PRSS23: variants seen among roughly 807,000 people sequenced by gnomAD.
PRSS23 encodes serine protease 23.
A neutral mutation model predicts 34.7 loss-of-function variants in PRSS23; 25 were observed. That is an observed-to-expected ratio of 0.72 (90% CI 0.53 to 1.01). The LOEUF (loss-of-function observed/expected upper bound fraction) is 1.01. Ranked by LOEUF, PRSS23 falls within the 50% of genes least tolerant of loss-of-function variation. PRSS23 has a pLI of 0.00. For missense variants in PRSS23, 445 were observed against 475.6 expected (o/e 0.94, Z 0.60); for synonymous variants, 176 against 186.6 (o/e 0.94, Z 0.46).
At chr11:86,876,215 C>G (rs1948723222) in intron 2 of PRSS23, among the ~76,000 whole-genome samples, 1 of 152,054 alleles carries the variant, frequency 6.6e-6, no homozygotes, top group Non-Finnish European at 1.5e-5. Context: ...GTAAACATCA[C>G]CAGATGCTTG....
intron 2 of PRSS23, among the ~76,000 whole-genome samples, chr11:86,842,704 C>A (rs1453637380): frequency 1.3e-5 from 2 of 152,110 alleles, no homozygotes; most frequent in South Asian, 2.1e-4. Flanking sequence ...CCTGGGAATC[C>A]AAATTACAAG....
At chr11:86,916,540 T>C (rs1418146591) in intron 2 of PRSS23, among the ~76,000 whole-genome samples, 2 of 152,200 alleles carry the variant, frequency 1.3e-5, no homozygotes, top group Non-Finnish European at 2.9e-5. Flanking sequence ...TGACAGGAAG[T>C]GTGTGTCACC....
At chr11:86,902,719 C>G (rs1426915760) in intron 2 of PRSS23, among the ~76,000 whole-genome samples, 2 of 152,194 alleles carry the variant, frequency 1.3e-5, no homozygotes, top group East Asian at 3.8e-4. Context: ...AACATGATAT[C>G]AAGACACAGA....
chr11:86,866,828 G>A (rs1455427788), intron 2 of PRSS23, among the ~76,000 whole-genome samples: 2 of 151,420 alleles, frequency 1.3e-5, no homozygotes, highest in Admixed American at 1.3e-4. Context: ...CCCATCTCTT[G>A]CTTCCTCTCT....
rs1468263198 is a variant in PRSS23, at chr11:86,808,644, G to A, written c.1001G>A (p.Arg334Gln). 5.6e-6 allele frequency: 9 copies of A among 1,614,040 alleles called. No individual in the cohort carries two copies. The highest frequency in any genetic ancestry group is 2.7e-5 in the African/African-American group (2 of 74,918). Residue 334 changes from arginine to glutamine, a missense_variant, in exon 2 of 2, where the codon CGA becomes CAA. Arg to Gln is a conservative substitution (Grantham distance 43, BLOSUM62 1). Coordinates refer to ENST00000280258, the MANE Select transcript of PRSS23 (RefSeq NM_007173.6). ...MWKRQQQKWERKIIGIFSGHQ... is the reference protein window; with the variant it reads ...MWKRQQQKWEQKIIGIFSGHQ... ...AAGAGACAGCAGCAGAAGTGGGAGCGAAAAATTATTGGCATTTTTTCAGGG... is the reference window on the plus strand; with the variant it reads ...AAGAGACAGCAGCAGAAGTGGGAGCAAAAAATTATTGGCATTTTTTCAGGG...
At chr11:86,860,344 C>T (rs186741557) in intron 2 of PRSS23, among the ~76,000 whole-genome samples, 1 of 151,982 alleles carries the variant, frequency 6.6e-6, no homozygotes, top group Non-Finnish European at 1.5e-5. Flanking sequence ...GGTGATATTA[C>T]TCCCAGTATC....
intron 2 of PRSS23, among the ~76,000 whole-genome samples, chr11:86,845,090 G>GAA (rs199809989): frequency 0.027 from 3,213 of 118,848 alleles, 127 homozygotes; most frequent in African/African-American, 0.091. Context: ...CTCTGTCTCA[G>GAA]AAAAAAAAAA....
chr11:86,921,874 T>G (rs1054320455), intron 2 of PRSS23: 2 of 152,172 alleles, frequency 1.3e-5, no homozygotes, highest in Admixed American at 1.3e-4. Flanking sequence ...TCCAGACCTG[T>G]GGAAAAGGGA....
chr11:86,794,189 G>T (rs1947967353), intron 1 of PRSS23, among the ~76,000 whole-genome samples: 1 of 152,038 alleles, frequency 6.6e-6, no homozygotes, highest in East Asian at 1.9e-4. Flanking sequence ...TTCCATAAAA[G>T]ATTTTTAAAG....
intron 2 of PRSS23, among the ~76,000 whole-genome samples, chr11:86,829,138 A>G (rs1438206093): frequency 6.6e-6 from 1 of 152,186 alleles, no homozygotes; most frequent in African/African-American, 2.4e-5. Flanking sequence ...CACCAGTCAG[A>G]TGTAGATTTG....
chr11:86,812,344 G>A (rs930325673), downstream of PRSS23, among the ~76,000 whole-genome samples: 17 of 152,292 alleles, frequency 1.1e-4, no homozygotes, highest in Non-Finnish European at 1.9e-4. Context: ...CCTCCAATAG[G>A]GGAAGGGCAT....
At chr11:86,795,072 A>G (rs1052704562) in intron 1 of PRSS23, among the ~76,000 whole-genome samples, 12 of 152,166 alleles carry the variant, frequency 7.9e-5, no homozygotes, top group Non-Finnish European at 2.9e-5. Context: ...GGGGGTGTCA[A>G]CGGGAGTCCT....
chr11:86,872,648 A>T (rs537773207), intron 2 of PRSS23, among the ~76,000 whole-genome samples: 3 of 152,340 alleles, frequency 2.0e-5, no homozygotes, highest in Non-Finnish European at 4.4e-5. Context: ...TCATACAAGA[A>T]AATAAAATTT....
At chr11:86,941,471 AT>A (rs35667887) in intron 2 of PRSS23, among the ~76,000 whole-genome samples, 10,601 of 152,256 alleles carry the variant, frequency 0.07, 441 homozygotes, top group East Asian at 0.19. Flanking sequence ...ATGGACCCTC[AT>A]TTCAGCTATT....
At chr11:86,837,142 A>T (rs2005191) in intron 2 of PRSS23, 1 of 152,346 alleles carries the variant, frequency 6.6e-6, no homozygotes, top group East Asian at 1.9e-4. Context: ...CCAAAGAAAA[A>T]TATGTAATAA....
intron 2 of PRSS23, among the ~76,000 whole-genome samples, chr11:86,823,802 C>A (rs1340541255): frequency 6.6e-6 from 1 of 151,808 alleles, no homozygotes; most frequent in East Asian, 1.9e-4. Flanking sequence ...GTCAGGAGAT[C>A]GAGACCATCC....
In PRSS23 at chr11:86,806,236, A is replaced by G. The variant is rs1483793126; in HGVS notation, c.-13-1395A>G. On this transcript the variant is annotated intron_variant, in intron 1 of 1. Transcript: ENST00000280258. ...CTTGCTGAGCTAAGTGTGATTCCCC[A>G]AATTACTCACATGGTTGCATGTTGC... Among the ~76,000 whole-genome samples the G allele has an allele frequency of 2.0e-5, 3 of 152,160 alleles. No homozygotes were observed. The East Asian group carries it at 5.8e-4, about 29-fold the overall frequency.
chr11:86,878,608 C>T (rs1041646427), intron 2 of PRSS23, among the ~76,000 whole-genome samples: 1 of 152,048 alleles, frequency 6.6e-6, no homozygotes, highest in African/African-American at 2.4e-5. Context: ...GATCTCGGCT[C>T]GCTACAACCT....
Position 86,873,224 on chromosome 11 carries a change from G to GTATA in PRSS23, c.206+49640_206+49643dup, listed in dbSNP as rs758700473. 4.6e-3 allele frequency among the ~76,000 whole-genome samples: 368 copies of GTATA among 80,412 alleles called. 3 individuals are homozygous for GTATA. The highest frequency in any genetic ancestry group is 0.022 in the African/African-American group (318 of 14,590). The allele number at this position is 80,412 out of a possible 152,430, so 52.8% of individuals were successfully genotyped here. A position where few individuals can be genotyped will look rare whatever the true frequency, so the allele number is the denominator to read the frequency against. ...CACACACACACACACACAGATATAT[G>GTATA]TATATATATATACACACACACACAT... On this transcript the variant is annotated intron_variant, in intron 2 of 2. Coordinates refer to the PRSS23 transcript ENST00000533902.
Sources: allele counts gnomAD v4.1 joint callset (sites outside exome capture counted in the v4.1 genomes callset), GRCh38; gene constraint gnomAD v4.1.1; transcripts MANE v1.5; gene names NCBI Gene and HGNC (gene_info 2026-07-23, HGNC 2026-07-21).